Variants in LOXL4 observed in about 807,000 individuals in gnomAD.
LOXL4 encodes the protein lysyl oxidase like 4, also known as lysyl oxidase homolog 4.
LOXL4 carries 72 observed loss-of-function variants against 89.1 expected under a neutral mutation model. That is an observed-to-expected ratio of 0.81 (90% confidence interval 0.67 to 0.98). The LOEUF is 0.98. Among genes scored for constraint, LOXL4 ranks in the 50% least tolerant of loss-of-function variants. The probability of loss-of-function intolerance (pLI) is 0.00; values close to 1 mark genes in which losing one functional copy is unlikely to be tolerated. For synonymous variants in LOXL4, 355 were observed against 392.1 expected, an observed-to-expected ratio of 0.91 and a Z score of 1.12; for missense variants, 984 against 1,017.5, an observed-to-expected ratio of 0.97 and a Z score of 0.45.
rs555593314 is a variant in LOXL4, at chr10:98,265,333, T to C, written c.-32-2282A>G. ...TTTGTAAAGATTAAGTGAAGAAACA[T>C]TAAATCCTTAGAAGAGCAAGCCTTC... On this transcript the variant is annotated intron_variant, in intron 1 of 14. Transcript: ENST00000260702. Among the ~76,000 whole-genome samples, 34 of 152,026 alleles carry C rather than the reference T, an allele frequency of 2.2e-4. 1 individual carries two copies. In the South Asian group the frequency reaches 6.8e-3, roughly 31 times the overall value.
Position 98,252,404 on chromosome 10 carries a change from C to G in LOXL4, c.1900G>C (p.Ala634Pro). 6.2e-7 allele frequency: 1 copy of G among 1,614,120 alleles called. No individual in the cohort carries two copies. ...CAGAAGCTGGCCTTGTGCCCCTCAGCCACCTTGGAGCCATTGAGAGTGAGG... is the reference window on the plus strand; with the variant it reads ...CAGAAGCTGGCCTTGTGCCCCTCAGGCACCTTGGAGCCATTGAGAGTGAGG... ...DLLTLNGSKV[A>P]EGHKASFCLE... The change falls in exon 12 of 15, where the codon GCT becomes CCT. Residue 634 changes from alanine (A) to proline (P), a missense_variant. Coordinates refer to ENST00000260702, the MANE Select transcript of LOXL4 (RefSeq NM_032211.7).
In LOXL4 at chr10:98,256,818, G is replaced by A. The variant is rs555163440; in HGVS notation, c.1390C>T (p.Arg464Ter). The A allele has an allele frequency of 1.4e-5, 22 of 1,614,010 alleles. No individual in the cohort carries two copies. The highest frequency in any genetic ancestry group is 4.0e-5 in the African/African-American group (3 of 74,930). ...ATGGCAAAACCCAGGCCGAGCTGTC[G>A]GCAGGCCACCATGGCTTCGGTGAGC... ...WGLTEAMVAC[R>*]QLGLGFAIHA... The change falls in exon 9 of 15, where the codon CGA becomes TGA. Residue 464 changes from arginine to a stop codon, truncating the protein, a stop_gained. Coordinates refer to ENST00000260702, the MANE Select transcript of LOXL4 (RefSeq NM_032211.7). LOFTEE classifies it high-confidence loss of function.
In LOXL4 at chr10:98,263,191, C is replaced by A. The variant is rs1858597977; in HGVS notation, c.-32-140G>T. On this transcript the variant is annotated intron_variant, in intron 1 of 14. Transcript: ENST00000260702. ...GTGTGTGTGCACGCGCACACACACACACAGTGGCATTAATTGAGTCTGGGC... is the reference window on the plus strand; with the variant it reads ...GTGTGTGTGCACGCGCACACACACAAACAGTGGCATTAATTGAGTCTGGGC... 1.5e-5 allele frequency: 9 copies of A among 620,118 alleles called. No homozygotes were observed. In the South Asian group the frequency reaches 1.9e-4, roughly 13 times the overall value. The allele number at this position is 620,118 out of a possible 1,614,324, so 38.4% of individuals were successfully genotyped here.
At chr10:98,254,660 A>T (rs571819673) in intron 10 of LOXL4, among the ~76,000 whole-genome samples, 1 of 152,338 alleles carries the variant, frequency 6.6e-6, no homozygotes, top group African/African-American at 2.4e-5. Context: ...GTCGTGAAGG[A>T]TCAAATGTGT....
At chr10:98,264,359 G>A (rs1173840053) in intron 1 of LOXL4, among the ~76,000 whole-genome samples, 1 of 148,058 alleles carries the variant, frequency 6.8e-6, no homozygotes, top group African/African-American at 2.5e-5. Context: ...GATTAGGAAA[G>A]AGGGAAAGAG....
At chr10:98,250,094 A>G (rs1858145583) in intron 14 of LOXL4, among the ~76,000 whole-genome samples, 1 of 152,014 alleles carries the variant, frequency 6.6e-6, no homozygotes, top group Non-Finnish European at 1.5e-5. Context: ...AAAACAGAAA[A>G]CTCAGGTCGT....
chr10:98,253,937 A>G, intron 10 of LOXL4, 141 bp from the exon 11 acceptor site: 2 of 1,029,542 alleles, frequency 1.9e-6, no homozygotes, highest in Non-Finnish European at 2.8e-6. Flanking sequence ...AAGAGTCAGG[A>G]GATGGTGAGT....
At chr10:98,251,021 C>A in intron 14 of LOXL4, 44 bp downstream of exon 14, 1 of 1,412,402 alleles carries the variant, frequency 7.1e-7, no homozygotes, top group Non-Finnish European at 1.0e-6. Context: ...TGTTCCAGCT[C>A]CCTGAGCCTA....
At chr10:98,252,264 G>T in intron 12 of LOXL4, 89 bp downstream of exon 12, 1 of 1,000,896 alleles carries the variant, frequency 1.0e-6, no homozygotes, top group Non-Finnish European at 1.5e-6. Flanking sequence ...CTGGGCTGCT[G>T]AACAGGGCAG....
At chr10:98,258,227 C>T in intron 6 of LOXL4, 63 bp from the exon 7 acceptor site, 1 of 1,496,884 alleles carries the variant, frequency 6.7e-7, no homozygotes, top group East Asian at 2.4e-5. Flanking sequence ...GCTGAGCCCC[C>T]ACAGCGGGAT....
intron 14 of LOXL4, among the ~76,000 whole-genome samples, 191 bp downstream of exon 14, chr10:98,250,874 C>T (rs898257763): frequency 6.6e-6 from 1 of 152,170 alleles, no homozygotes; most frequent in Non-Finnish European, 1.5e-5. Flanking sequence ...TGGGTGAAGC[C>T]GATGGTCTGA....
At chr10:98,252,279 A>C (rs1858214293) in intron 12 of LOXL4, 74 bp downstream of exon 12, 1 of 1,186,206 alleles carries the variant, frequency 8.4e-7, no homozygotes, top group African/African-American at 1.5e-5. Flanking sequence ...GGGCAGAGAG[A>C]AAGCCTGATC....
At position 98,259,153 on chromosome 10, in the gene LOXL4, G is replaced by A. The variant is rs1051205024; in HGVS notation, c.777C>T (p.Ala259=). 1 of 1,612,082 alleles carries A rather than the reference G, an allele frequency of 6.2e-7. No homozygotes were observed. The highest frequency in any genetic ancestry group is 1.3e-5 in the African/African-American group (1 of 74,886). Residue 259 remains alanine (A), a synonymous_variant, in exon 6 of 15, where the codon GCC becomes GCT. Coordinates refer to ENST00000260702, the MANE Select transcript of LOXL4 (RefSeq NM_032211.7). ...VTCLGTEPHM[A]NCQVQVAPAR... ...CTGGAGCCACCTGCACCTGGCAGTT[G>A]GCCATGTGGGGCTCTGTCCCCAGGC...
chr10:98,265,684 C>T lies in LOXL4; in HGVS notation c.-33+2448G>A, dbSNP rs77046253. ...AAGTGACGGGATTACCAGCGTGAGC[C>T]ACTACATCGGCCAACAATGAACTAT... On this transcript the variant is annotated intron_variant, in intron 1 of 14. Transcript: ENST00000260702. Among the ~76,000 whole-genome samples, 56 of 71,490 alleles carry T rather than the reference C, an allele frequency of 7.8e-4. 11 individuals carry two copies. The highest frequency in any genetic ancestry group is 2.7e-3 in the African/African-American group (55 of 20,578). 46.9% of individuals were successfully genotyped at this position (71,490 alleles called of 152,430 possible). A position where few individuals can be genotyped will look rare whatever the true frequency, so the allele number is the denominator to read the frequency against.
At position 98,259,001 on chromosome 10, in the gene LOXL4, G is replaced by A; in HGVS notation, c.921+8C>T. 1 of 1,527,580 alleles carries A rather than the reference G, an allele frequency of 6.5e-7. No individual in the cohort carries two copies. The allele number at this position is 1,527,580 out of a possible 1,614,324, so 94.6% of individuals were successfully genotyped here. On this transcript the variant is annotated splice_region_variant and intron_variant, in intron 6 of 14. Transcript: ENST00000260702. ...CTGTGGTGTGAGTGCAGGATGCCCA[G>A]GGCTCACCTCTGCCCAGGACCCTTT...
In LOXL4 at chr10:98,248,952, T is replaced by C; in HGVS notation, c.2240A>G (p.Gln747Arg). The change falls in exon 15 of 15, where the codon CAG (glutamine) becomes CGG (arginine). Residue 747 changes from glutamine (Q) to arginine (R), a missense_variant. By Grantham distance (43) the Gln-to-Arg change is conservative. Transcript: ENST00000260702. The stretch of plus-strand genomic sequence containing the variant: ...GAGGTTGTTCCTGAGACGCTGTTCC[T>C]GCTCCAGGGAGAGTTCTGCATTGGC... Reference protein sequence around the residue: ...YPANAELSLEQEQRLRNNLI With the variant: ...YPANAELSLEREQRLRNNLI 2.5e-6 allele frequency: 4 copies of C among 1,613,980 alleles called. No individual in the cohort carries two copies. Among genetic ancestry groups the C allele is most frequent in the Non-Finnish European group, 3.4e-6 (4 of 1,179,948 alleles).
chr10:98,249,198 T>C (rs1191327993), intron 14 of LOXL4, among the ~76,000 whole-genome samples: 1 of 152,008 alleles, frequency 6.6e-6, no homozygotes, highest in African/African-American at 2.4e-5. Flanking sequence ...TTGGAAAGAG[T>C]TGTGCTAGTT....
At chr10:98,265,339 C>A (rs979732783) in intron 1 of LOXL4, among the ~76,000 whole-genome samples, 1 of 151,658 alleles carries the variant, frequency 6.6e-6, no homozygotes, top group African/African-American at 2.4e-5. Context: ...AACATTAAAT[C>A]CTTAGAAGAG....
chr10:98,267,468 A>C (rs996194323), intron 1 of LOXL4, among the ~76,000 whole-genome samples: 1 of 152,204 alleles, frequency 6.6e-6, no homozygotes, highest in African/African-American at 2.4e-5. Flanking sequence ...AAGAGAGAGC[A>C]TGGGGGGTGC....
Sources: gnomAD v4.1 joint callset for allele counts (sites outside exome capture counted in the v4.1 genomes callset) on GRCh38, gnomAD v4.1.1 for gene constraint, MANE v1.5 for transcripts, NCBI Gene and HGNC (gene_info 2026-07-23, HGNC 2026-07-21) for gene names.